Variants in EPB41L3 observed in about 807,000 individuals in gnomAD.
EPB41L3 encodes erythrocyte membrane protein band 4.1 like 3.
EPB41L3 carries 57 observed loss-of-function variants against 127.1 expected under a neutral mutation model. The ratio of observed to expected loss-of-function variants is 0.45; its 90% CI spans 0.36 to 0.56. The LOEUF (loss-of-function observed/expected upper bound fraction) is 0.56. EPB41L3 is among the 20% of genes least tolerant of loss of function. The pLI is 0.00. For synonymous variants in EPB41L3, 572 were observed against 549.5 expected (o/e 1.04, Z -0.57); for missense variants, 1,273 against 1,372.2 (o/e 0.93, Z 1.14).
intron 3 of EPB41L3, among the ~76,000 whole-genome samples, chr18:5,554,911 T>A (rs2094013150): frequency 6.6e-6 from 1 of 152,202 alleles, no homozygotes; most frequent in Non-Finnish European, 1.5e-5. Flanking sequence ...GTGATATTTA[T>A]AAAGATTTAG....
intron 1 of EPB41L3, among the ~76,000 whole-genome samples, chr18:5,534,344 G>A (rs185805605): frequency 2.8e-3 from 429 of 152,256 alleles, no homozygotes; most frequent in African/African-American, 9.8e-3. Flanking sequence ...TAAGACAAAA[G>A]TCGTTAAGAC....
chr18:5,591,874 A>G (rs1269731685), intron 3 of EPB41L3, among the ~76,000 whole-genome samples: 1 of 152,180 alleles, frequency 6.6e-6, no homozygotes, highest in Non-Finnish European at 1.5e-5. Context: ...AATCCTTTAT[A>G]GTCACTACCC....
At chr18:5,605,583 T>G (rs1179375284) in intron 3 of EPB41L3, among the ~76,000 whole-genome samples, 2 of 151,930 alleles carry the variant, frequency 1.3e-5, no homozygotes, top group African/African-American at 4.8e-5. Flanking sequence ...TCTCTTTAAT[T>G]TTTAGTATTT....
intron 3 of EPB41L3, among the ~76,000 whole-genome samples, chr18:5,602,463 T>C (rs756283401): frequency 6.6e-6 from 1 of 152,194 alleles, no homozygotes; most frequent in Non-Finnish European, 1.5e-5. Context: ...CACTCATTGA[T>C]TGATTGACTG....
At chr18:5,561,055 G>A (rs553269395) in intron 3 of EPB41L3, among the ~76,000 whole-genome samples, 2,019 of 146,968 alleles carry the variant, frequency 0.014, 180 homozygotes, top group Non-Finnish European at 0.02. Context: ...GCGGCTCACT[G>A]CAAGCTCCGC....
At chr18:5,555,882 C>G (rs2094027740) in intron 3 of EPB41L3, among the ~76,000 whole-genome samples, 1 of 152,198 alleles carries the variant, frequency 6.6e-6, no homozygotes. Context: ...GTCGGCCCAG[C>G]CATCTTTCCA....
chr18:5,396,813 A>G (rs2073582847), intron 18 of EPB41L3, among the ~76,000 whole-genome samples: 3 of 152,178 alleles, frequency 2.0e-5, no homozygotes, highest in Admixed American at 1.3e-4. Flanking sequence ...TTTCAGTGAG[A>G]GTAGAAACCA....
In EPB41L3 at chr18:5,439,017, A is replaced by C. The variant is rs182087347; in HGVS notation, c.530-907T>G. Among the ~76,000 whole-genome samples the C allele has an allele frequency of 4.9e-3, 746 of 152,142 alleles. 11 individuals are homozygous for C. Among genetic ancestry groups the C allele is most frequent in the Middle Eastern group, 0.014 (4 of 294 alleles). On this transcript the variant is annotated intron_variant, in intron 5 of 22. Transcript: ENST00000341928. ...TTTCCACATTTACTATGTGATCATT[A>C]CTGTATTCACTCTGTTCTTCCGGCC...
chr18:5,493,901 A>G (rs1016712118), intron 1 of EPB41L3, among the ~76,000 whole-genome samples: 2 of 152,050 alleles, frequency 1.3e-5, no homozygotes, highest in African/African-American at 4.8e-5. Context: ...GTTTCCTTCT[A>G]TCTTTTCTGG....
intron 1 of EPB41L3, among the ~76,000 whole-genome samples, chr18:5,505,231 C>T (rs2092053585): frequency 6.6e-6 from 1 of 152,148 alleles, no homozygotes; most frequent in Non-Finnish European, 1.5e-5. Context: ...CAAACCAGGG[C>T]ATCCCTGAGT....
intron 1 of EPB41L3, chr18:5,521,388 A>G (rs747892261): frequency 2.0e-5 from 3 of 152,192 alleles, no homozygotes; most frequent in Admixed American, 6.5e-5. Context: ...TCAGCTCATC[A>G]AGTTAACCCC....
Position 5,582,881 on chromosome 18 carries a change from C to T in EPB41L3, c.-306+29459G>A, listed in dbSNP as rs572498966. 2.6e-5 allele frequency among the ~76,000 whole-genome samples: 4 copies of T among 152,328 alleles called. No homozygotes were observed. In the South Asian group the frequency reaches 8.3e-4, roughly 32 times the overall value. ...TAAGAAGCTGGAGCGTCAGCAGAGG[C>T]AGTGAGGCATGCCCGGGAGTGGGGG... is the stretch of plus-strand genomic sequence containing the variant. On this transcript the variant is annotated intron_variant, in intron 3 of 21. Transcript: ENST00000545076.
chr18:5,445,132 TC>T lies in EPB41L3; in HGVS notation c.486+7del. On this transcript the variant is annotated splice_region_variant and intron_variant, in intron 4 of 22. Transcript: ENST00000341928. ...CCATCTTATTTTGCATTGCTTTTGA[TC>T]ACTCACCTTCTGGTTTTCAGCATCT... is the stretch of plus-strand genomic sequence containing the variant. 6.2e-7 allele frequency: 1 copy of T among 1,610,808 alleles called. No homozygotes were observed. Among genetic ancestry groups the T allele is most frequent in the African/African-American group, 1.3e-5 (1 of 75,000 alleles).
At chr18:5,500,374 A>G (rs992675637) in intron 1 of EPB41L3, among the ~76,000 whole-genome samples, 1 of 152,224 alleles carries the variant, frequency 6.6e-6, no homozygotes, top group South Asian at 2.1e-4. Context: ...TGAACCACAG[A>G]GAGTGAATAA....
At chr18:5,500,092 G>A (rs77226736) in intron 1 of EPB41L3, among the ~76,000 whole-genome samples, 2 of 151,952 alleles carry the variant, frequency 1.3e-5, no homozygotes, top group Non-Finnish European at 1.5e-5. Flanking sequence ...AATCAGTTAC[G>A]ATTTTGAAGC....
At chr18:5,396,098 C>T in intron 19 of EPB41L3, 103 bp downstream of exon 19, 1 of 1,413,472 alleles carries the variant, frequency 7.1e-7, no homozygotes, top group South Asian at 1.2e-5. Context: ...GCTGGATCCT[C>T]TAAGTCTCAT....
chr18:5,574,823 C>A (rs1471705084), intron 3 of EPB41L3, among the ~76,000 whole-genome samples: 1 of 152,160 alleles, frequency 6.6e-6, no homozygotes, highest in Non-Finnish European at 1.5e-5. Context: ...TGCCCCTGTG[C>A]ACCTTTTCTC....
In EPB41L3 at chr18:5,397,246, C is replaced by A; in HGVS notation, c.2653G>T (p.Ala885Ser). ...TCTTTCCCTTTAATGCCTGTGAATGCGGGCTGTGCTGCAGCATCCCCGCTG... is the reference window on the plus strand; with the variant it reads ...TCTTTCCCTTTAATGCCTGTGAATGAGGGCTGTGCTGCAGCATCCCCGCTG... ...GDSGDAAAQP[A>S]FTGIKGKEGS... is the part of the protein sequence containing the mutation. The change falls in exon 18 of 23, where the codon GCA becomes TCA. Residue 885 changes from alanine (A) to serine (S), a missense_variant. Ala to Ser is a moderately conservative substitution (Grantham distance 99). Transcript: ENST00000341928. This position sits in a 1 kb window ranked among gnomAD's most constrained non-coding sequence, Gnocchi z 4.1. 6.2e-7 allele frequency: 1 copy of A among 1,614,138 alleles called. No homozygotes were observed. The highest frequency in any genetic ancestry group is 8.5e-7 in the Non-Finnish European group (1 of 1,180,030).
chr18:5,458,824 A>G (rs2083500544), intron 3 of EPB41L3, among the ~76,000 whole-genome samples: 1 of 152,176 alleles, frequency 6.6e-6, no homozygotes, highest in African/African-American at 2.4e-5. Context: ...CTGGGCACGT[A>G]TTTTGCTTTG....
Sources: gnomAD v4.1 joint callset for allele counts (sites outside exome capture counted in the v4.1 genomes callset) on GRCh38, gnomAD v4.1.1 for gene constraint, Gnocchi (gnomAD v3.1) non-coding constraint, MANE v1.5 for transcripts, NCBI Gene and HGNC (gene_info 2026-07-23, HGNC 2026-07-21) for gene names.